Variants in SCAI observed in about 807,000 individuals in gnomAD.
SCAI encodes protein SCAI.
Under a neutral mutation model 92.2 loss-of-function variants are expected in SCAI, and 24 were observed. The ratio of observed to expected loss-of-function variants is 0.26; its 90% CI spans 0.19 to 0.37. SCAI has a LOEUF of 0.37. SCAI is among the 10% of genes least tolerant of loss of function. The pLI is 1.00. For missense variants in SCAI, 450 were observed against 736.2 expected, an observed-to-expected ratio of 0.61 and a Z score of 4.50; for synonymous variants, 261 against 258.6, an observed-to-expected ratio of 1.01 and a Z score of -0.09.
At chr9:124,977,134 G>C (rs1021261304) in intron 14 of SCAI, among the ~76,000 whole-genome samples, 5 of 152,082 alleles carry the variant, frequency 3.3e-5, no homozygotes, top group Admixed American at 6.6e-5. Flanking sequence ...CTCCCAAAAT[G>C]CTGGGATTAC....
At chr9:124,953,003 A>G (rs1283612767) in intron 17 of SCAI, 50 bp from the exon 18 acceptor site, 1 of 1,452,966 alleles carries the variant, frequency 6.9e-7, no homozygotes, top group Non-Finnish European at 9.6e-7. Context: ...AATGAAAGAA[A>G]ATTATACACA....
intron 3 of SCAI, among the ~76,000 whole-genome samples, chr9:125,035,054 G>A (rs1317253721): frequency 6.6e-6 from 1 of 152,046 alleles, no homozygotes; most frequent in Non-Finnish European, 1.5e-5. Context: ...CCAAAACTAA[G>A]CATGAGAAAA....
chr9:125,003,362 GT>G, intron 10 of SCAI, 106 bp downstream of exon 10: 1 of 1,013,288 alleles, frequency 9.9e-7, no homozygotes, highest in Non-Finnish European at 1.6e-6. Flanking sequence ...GTCTCATCAA[GT>G]GAATTCTTTA....
chr9:124,983,735 A>G (rs946604857), intron 14 of SCAI, among the ~76,000 whole-genome samples: 14 of 152,242 alleles, frequency 9.2e-5, no homozygotes, highest in Non-Finnish European at 1.8e-4. Context: ...AAGTTATATA[A>G]TATCACAGAA....
intron 15 of SCAI, among the ~76,000 whole-genome samples, chr9:124,973,079 T>TC (rs771161158): frequency 1.1e-4 from 16 of 152,212 alleles, no homozygotes; most frequent in Non-Finnish European, 2.1e-4. Flanking sequence ...TGGGGACAGG[T>TC]CCCAAGTCTA....
intron 9 of SCAI, among the ~76,000 whole-genome samples, chr9:125,007,990 C>T (rs1832548085): frequency 6.6e-6 from 1 of 151,914 alleles, no homozygotes; most frequent in Admixed American, 6.6e-5. Context: ...GGACTACAGG[C>T]GCCCGCCACC....
At chr9:125,050,665 C>CG (rs777570362) in intron 3 of SCAI, among the ~76,000 whole-genome samples, 1 of 152,104 alleles carries the variant, frequency 6.6e-6, no homozygotes, top group Non-Finnish European at 1.5e-5. Context: ...TTCAAACCCC[C>CG]GGGTTCAAGT....
chr9:124,947,771 CTA>C lies in SCAI; in HGVS notation c.*5034_*5035del, dbSNP rs1831170963. The C allele has an allele frequency of 6.6e-6, 1 of 152,222 alleles. No individual in the cohort carries two copies. The highest frequency in any genetic ancestry group is 1.5e-5 in the Non-Finnish European group (1 of 68,030). 9.4% of individuals were successfully genotyped at this position (152,222 alleles called of 1,614,324 possible). ...AAAGAGCCCTCAAGGTAAATACCCT[CTA>C]TGATTTCCAAACACACACAGGAACA... On this transcript the variant is annotated 3_prime_UTR_variant, in exon 18 of 18. Transcript: ENST00000336505.
intron 2 of SCAI, among the ~76,000 whole-genome samples, chr9:125,095,815 AAAAAC>A (rs1426992040): frequency 1.3e-5 from 2 of 152,232 alleles, no homozygotes; most frequent in African/African-American, 2.4e-5. Flanking sequence ...AGAAGCCTGG[AAAAAC>A]AAAACAAAAC....
At chr9:125,011,217 A>C (rs1023506751) in intron 9 of SCAI, among the ~76,000 whole-genome samples, 5 of 152,374 alleles carry the variant, frequency 3.3e-5, no homozygotes, top group East Asian at 1.9e-4. Flanking sequence ...AGAAGGCTTC[A>C]GACGATCAAA....
rs111375407 is a variant in SCAI, at chr9:125,090,081, C to G, written c.99-34074G>C. ...GTGCCCTAGAAGAAATAAACCATTTCTGTGTGTCTAGACTTGAACTCAATT... is the reference window on the plus strand; with the variant it reads ...GTGCCCTAGAAGAAATAAACCATTTGTGTGTGTCTAGACTTGAACTCAATT... On this transcript the variant is annotated intron_variant, in intron 2 of 17. Coordinates refer to ENST00000336505, the MANE Select transcript of SCAI (RefSeq NM_001144877.3). Among the ~76,000 whole-genome samples, 225 of 152,296 alleles carry G rather than the reference C, an allele frequency of 1.5e-3. 1 individual carries two copies. The highest frequency in any genetic ancestry group is 5.1e-3 in the African/African-American group (212 of 41,570).
At chr9:125,102,408 T>C (rs1307028701) in intron 2 of SCAI, among the ~76,000 whole-genome samples, 3 of 152,024 alleles carry the variant, frequency 2.0e-5, no homozygotes, top group Non-Finnish European at 2.9e-5. Context: ...TCTATCTTAC[T>C]TACCCTCCCT....
At chr9:125,066,464 A>ATTTT (rs754196569) in intron 2 of SCAI, among the ~76,000 whole-genome samples, 2 of 138,228 alleles carry the variant, frequency 1.4e-5, no homozygotes, top group African/African-American at 5.1e-5. Flanking sequence ...TTATTTATTT[A>ATTTT]TTTTTTTTTG....
chr9:125,131,892 G>C (rs575954957), intron 2 of SCAI, among the ~76,000 whole-genome samples: 2 of 152,232 alleles, frequency 1.3e-5, no homozygotes, highest in East Asian at 3.9e-4. Flanking sequence ...TCTCAGCAAA[G>C]AGTACAGAGA....
chr9:124,954,797 C>T (rs1171353695), intron 17 of SCAI, among the ~76,000 whole-genome samples: 8 of 152,226 alleles, frequency 5.3e-5, no homozygotes, highest in Admixed American at 3.9e-4. Context: ...TGGATAACCA[C>T]GCATGTGCTT....
chr9:125,135,303 CACTA>C (rs1835497979), intron 2 of SCAI, among the ~76,000 whole-genome samples: 2 of 152,184 alleles, frequency 1.3e-5, no homozygotes, highest in Admixed American at 1.3e-4. Flanking sequence ...ATAACTCAGC[CACTA>C]ACTAACACCT....
In SCAI at chr9:125,003,788, A is replaced by AT. The variant is rs755478634; in HGVS notation, c.862-219dup. 6.9e-4 allele frequency: 340 copies of AT among 495,544 alleles called. 1 individual carries two copies. The highest frequency in any genetic ancestry group is 1.1e-3 in the Non-Finnish European group (304 of 280,024). 30.7% of individuals were successfully genotyped at this position (495,544 alleles called of 1,614,324 possible). The stretch of plus-strand genomic sequence containing the variant: ...TCATCATCTAGATCCTATAATAAGC[A>AT]TTTTTTATATTTGCTTTTTCACATA... On this transcript the variant is annotated intron_variant, in intron 9 of 17. Transcript: ENST00000336505.
At chr9:125,129,371 G>A (rs1412978462) in intron 2 of SCAI, among the ~76,000 whole-genome samples, 1 of 151,258 alleles carries the variant, frequency 6.6e-6, no homozygotes, top group Non-Finnish European at 1.5e-5. Context: ...AACCCAGGGG[G>A]CGGAGGTTGC....
chr9:125,116,140 G>T (rs768932376), intron 2 of SCAI, among the ~76,000 whole-genome samples: 22 of 152,020 alleles, frequency 1.4e-4, no homozygotes, highest in Non-Finnish European at 2.9e-4. Context: ...AGCCGAGATT[G>T]CACCATTGCA....
Sources: allele counts gnomAD v4.1 joint callset (sites outside exome capture counted in the v4.1 genomes callset), GRCh38; gene constraint gnomAD v4.1.1; transcripts MANE v1.5; gene names NCBI Gene and HGNC (gene_info 2026-07-23, HGNC 2026-07-21).